ZBTB8A: variants seen among roughly 807,000 people sequenced by gnomAD.
ZBTB8A encodes zinc finger and BTB domain-containing protein 8A.
A neutral mutation model predicts 37.8 loss-of-function variants in ZBTB8A; 19 were observed. That is an observed-to-expected ratio of 0.50 (90% confidence interval 0.35 to 0.74). ZBTB8A has a LOEUF of 0.74. ZBTB8A is among the 30% of genes least tolerant of loss of function. ZBTB8A has a pLI of 0.01. For missense variants in ZBTB8A, 394 were observed against 537.8 expected, an observed-to-expected ratio of 0.73 and a Z score of 2.65; for synonymous variants, 181 against 185.2, an observed-to-expected ratio of 0.98 and a Z score of 0.19.
chr1:32,547,626 C>CA (rs745418265), intron 1 of ZBTB8A, among the ~76,000 whole-genome samples: 47,498 of 98,552 alleles, frequency 0.48, 10,520 homozygotes, highest in East Asian at 0.69. Flanking sequence ...GTCTGTATCT[C>CA]AAAAAAAAAA....
At chr1:32,550,703 A>T (rs1178724011) in intron 1 of ZBTB8A, among the ~76,000 whole-genome samples, 2 of 152,070 alleles carry the variant, frequency 1.3e-5, no homozygotes, top group African/African-American at 4.8e-5. Flanking sequence ...TCACGCCTGT[A>T]ATCCCAGCAC....
chr1:32,583,078 T>C (rs1215584340), intron 2 of ZBTB8A, among the ~76,000 whole-genome samples: 1 of 152,140 alleles, frequency 6.6e-6, no homozygotes, highest in Non-Finnish European at 1.5e-5. Flanking sequence ...GAAGTTAATG[T>C]ATTTTTTAAA....
chr1:32,553,051 AGGCTC>A, intron 1 of ZBTB8A, among the ~76,000 whole-genome samples: 1 of 151,310 alleles, frequency 6.6e-6, no homozygotes, highest in Middle Eastern at 3.5e-3. Context: ...TATCTGACAG[AGGCTC>A]TTATATAATT....
At chr1:32,565,360 C>T (rs1006203086) in intron 2 of ZBTB8A, among the ~76,000 whole-genome samples, 8 of 151,958 alleles carry the variant, frequency 5.3e-5, no homozygotes, top group Non-Finnish European at 1.0e-4. Flanking sequence ...AAAAGAAATC[C>T]GTTTTAAGGC....
chr1:32,575,437 G>A (rs898624288), intron 2 of ZBTB8A, among the ~76,000 whole-genome samples: 2 of 151,104 alleles, frequency 1.3e-5, no homozygotes, highest in Non-Finnish European at 3.0e-5. Flanking sequence ...ATGCTGGCCA[G>A]GCTGGTCTCA....
In ZBTB8A at chr1:32,601,941, C is replaced by A; in HGVS notation, c.*1522C>A. Reference sequence around the variant, plus strand: ...AATTTAAAGTATAAAACTATTTGAACAAATTATTCACTTAAATATGTTGAA... The same window carrying A: ...AATTTAAAGTATAAAACTATTTGAAAAAATTATTCACTTAAATATGTTGAA... On this transcript the variant is annotated 3_prime_UTR_variant, in exon 5 of 5. Coordinates refer to ENST00000373510, the MANE Select transcript of ZBTB8A (RefSeq NM_001040441.3). 3.0e-6 allele frequency: 1 copy of A among 336,488 alleles called. No individual in the cohort carries two copies. The highest frequency in any genetic ancestry group is 4.5e-5 in the East Asian group (1 of 22,288). 20.8% of individuals were successfully genotyped at this position (336,488 alleles called of 1,614,324 possible). A position where few individuals can be genotyped will look rare whatever the true frequency, so the allele number is the denominator to read the frequency against.
rs1644595822 is a variant in ZBTB8A at position 32,603,786 on chromosome 1, G to A, written c.*3367G>A. 1 of 152,596 alleles carries A rather than the reference G, an allele frequency of 6.6e-6. No individual in the cohort carries two copies. 9.5% of individuals were successfully genotyped at this position (152,596 alleles called of 1,614,324 possible). A position where few individuals can be genotyped will look rare whatever the true frequency, so the allele number is the denominator to read the frequency against. ...GCTTTCTCATAATTGTTTATAACGA[G>A]CATCAAACTATCCCCACAAAATGAT... is the stretch of plus-strand genomic sequence containing the variant. On this transcript the variant is annotated 3_prime_UTR_variant, in exon 5 of 5. Transcript: ENST00000373510.
intron 2 of ZBTB8A, among the ~76,000 whole-genome samples, chr1:32,562,197 CCTT>C (rs1179217315): frequency 1.3e-5 from 2 of 150,892 alleles, no homozygotes; most frequent in Non-Finnish European, 2.9e-5. Flanking sequence ...CTCAAACAAT[CCTT>C]CTACCTCAGT....
intron 4 of ZBTB8A, among the ~76,000 whole-genome samples, chr1:32,597,030 A>G (rs1644538374): frequency 6.6e-6 from 1 of 151,536 alleles, no homozygotes; most frequent in South Asian, 2.1e-4. Flanking sequence ...TTTTTGAGAC[A>G]GAGTCTCGCT....
chr1:32,558,332 C>T (rs1644218586), intron 2 of ZBTB8A, among the ~76,000 whole-genome samples: 1 of 151,852 alleles, frequency 6.6e-6, no homozygotes, highest in Non-Finnish European at 1.5e-5. Flanking sequence ...TTCTTCCTGT[C>T]TCACCCCTCC....
intron 4 of ZBTB8A, among the ~76,000 whole-genome samples, chr1:32,595,575 G>GT (rs774985098): frequency 0.1 from 12,993 of 129,416 alleles, 881 homozygotes; most frequent in African/African-American, 0.16. Flanking sequence ...GCCTTGTTTT[G>GT]TTTTTTTTTT....
At chr1:32,574,940 G>A (rs528228390) in intron 2 of ZBTB8A, among the ~76,000 whole-genome samples, 28 of 152,038 alleles carry the variant, frequency 1.8e-4, no homozygotes, top group Middle Eastern at 3.4e-3. Flanking sequence ...GCCATGCCAA[G>A]CTAATTTTTA....
chr1:32,576,192 T>C lies in ZBTB8A; in HGVS notation c.-1-16739T>C, dbSNP rs576003451. Among the ~76,000 whole-genome samples the C allele has an allele frequency of 3.3e-5, 5 of 152,298 alleles. No homozygotes were observed. In the South Asian group the frequency reaches 1.0e-3, roughly 32 times the overall value. ...CATAAATATGACACATTTTGTGCTA[T>C]AAGAACAGGGTTGAGTAGTTGCAAT... On this transcript the variant is annotated intron_variant, in intron 2 of 4. Transcript: ENST00000373510.
chr1:32,573,236 A>T (rs1445206665), intron 2 of ZBTB8A, among the ~76,000 whole-genome samples: 54 of 145,802 alleles, frequency 3.7e-4, no homozygotes, highest in African/African-American at 1.3e-3. Flanking sequence ...ACACCCGGCT[A>T]ATTTTTTTTT....
intron 1 of ZBTB8A, among the ~76,000 whole-genome samples, chr1:32,542,332 G>T (rs559712188): frequency 2.6e-5 from 4 of 151,954 alleles, no homozygotes; most frequent in African/African-American, 9.7e-5. Flanking sequence ...AGGCCTCGGG[G>T]GTCGGGGGGG....
At chr1:32,542,290 C>T (rs1450635472) in intron 1 of ZBTB8A, among the ~76,000 whole-genome samples, 1 of 145,108 alleles carries the variant, frequency 6.9e-6, no homozygotes, top group Non-Finnish European at 1.5e-5. Context: ...TGTGGTGGCT[C>T]ACACCTATAA....
intron 2 of ZBTB8A, among the ~76,000 whole-genome samples, chr1:32,584,678 ATT>A (rs905029926): frequency 1.3e-5 from 2 of 151,290 alleles, no homozygotes; most frequent in East Asian, 1.9e-4. Context: ...TGCCCAGCTA[ATT>A]TTTTTTGTTT....
At chr1:32,564,798 G>A (rs924989030) in intron 2 of ZBTB8A, among the ~76,000 whole-genome samples, 1 of 151,942 alleles carries the variant, frequency 6.6e-6, no homozygotes, top group African/African-American at 2.4e-5. Flanking sequence ...TAACAAACAG[G>A]AACACATGTA....
intron 4 of ZBTB8A, 122 bp downstream of exon 4, chr1:32,595,345 G>C: frequency 1.1e-6 from 1 of 931,894 alleles, no homozygotes; most frequent in Non-Finnish European, 1.6e-6. Context: ...TCAGCTCGCT[G>C]CAACCTCTGC....
Sources: gnomAD v4.1 joint callset for allele counts (sites outside exome capture counted in the v4.1 genomes callset) on GRCh38, gnomAD v4.1.1 for gene constraint, MANE v1.5 for transcripts, NCBI Gene and HGNC (gene_info 2026-07-23, HGNC 2026-07-21) for gene names.